Variants in KANK1 observed in about 807,000 individuals in gnomAD.
KANK1 encodes the protein KN motif and ankyrin repeat domain-containing protein 1.
KANK1 carries 109 observed loss-of-function variants against 106.2 expected under a neutral mutation model. The ratio of observed to expected loss-of-function variants is 1.03; its 90% CI spans 0.88 to 1.20. The LOEUF (loss-of-function observed/expected upper bound fraction) is 1.20. Among genes scored for constraint, KANK1 ranks in the 50% most tolerant of loss-of-function variants. KANK1 has a pLI of 0.00. For synonymous variants in KANK1, 873 were observed against 652.2 expected (o/e 1.34, Z -5.16); for missense variants, 2,399 against 1,710.7 (o/e 1.40, Z -7.10).
At chr9:497,972 G>A (rs1322459403) in intron 3 of KANK1, among the ~76,000 whole-genome samples, 1 of 152,066 alleles carries the variant, frequency 6.6e-6, no homozygotes, top group Admixed American at 6.6e-5. Flanking sequence ...CTCTCGCTGG[G>A]GTGTCTTCCT....
chr9:488,117 A>G (rs2058323815), intron 3 of KANK1, among the ~76,000 whole-genome samples: 1 of 152,210 alleles, frequency 6.6e-6, no homozygotes, highest in South Asian at 2.1e-4. Context: ...TACGAACTCC[A>G]CATGAACTCA....
rs185699562 is a variant in KANK1 at position 743,637 on chromosome 9, G to C, written c.3898-854G>C. Among the ~76,000 whole-genome samples, 753 of 152,274 alleles carry C rather than the reference G, an allele frequency of 4.9e-3. 6 individuals are homozygous for C. Among genetic ancestry groups the C allele is most frequent in the African/African-American group, 0.017 (727 of 41,564 alleles). ...TCCAGCACCTTGGGAGGCTGAGACAGGAGGATCGCTCGAGCCCAGGAGTTC... is the reference window on the plus strand; with the variant it reads ...TCCAGCACCTTGGGAGGCTGAGACACGAGGATCGCTCGAGCCCAGGAGTTC... On this transcript the variant is annotated intron_variant, in intron 10 of 11. Transcript: ENST00000382297.
Position 659,998 on chromosome 9 carries a change from C to G in KANK1, c.-83-16892C>G. Reference sequence around the variant, plus strand: ...GAAAAACAATCGTATGTCCACAGTCCAGAACCTCCACTCTTTCCACCCCTT... The same window carrying G: ...GAAAAACAATCGTATGTCCACAGTCGAGAACCTCCACTCTTTCCACCCCTT... On this transcript the variant is annotated intron_variant, in intron 1 of 11. Coordinates refer to ENST00000382297, the MANE Select transcript of KANK1 (RefSeq NM_015158.5). 1.1e-5 allele frequency: 3 copies of G among 282,432 alleles called. No individual in the cohort carries two copies. The South Asian group carries it at 1.2e-4, about 11-fold the overall frequency. 17.5% of individuals were successfully genotyped at this position (282,432 alleles called of 1,614,324 possible).
chr9:606,540 C>T (rs914427337), intron 1 of KANK1, among the ~76,000 whole-genome samples: 1 of 139,508 alleles, frequency 7.2e-6, no homozygotes, highest in East Asian at 1.9e-4. Flanking sequence ...TGGGCAACAA[C>T]AGCAAAACTC....
At position 639,638 on chromosome 9, in the gene KANK1, A is replaced by C. The variant is rs140137286; in HGVS notation, c.-83-37252A>C. Among the ~76,000 whole-genome samples, 422 of 152,212 alleles carry C rather than the reference A, an allele frequency of 2.8e-3. 8 individuals are homozygous for C. Among genetic ancestry groups the C allele is most frequent in the African/African-American group, 0.01 (420 of 41,526 alleles). Reference sequence around the variant, plus strand: ...GGCCTGATCTTAGATGATTTACCAAACAGTGCCACACCCTCTGCCTTCTGT... The same window carrying C: ...GGCCTGATCTTAGATGATTTACCAACCAGTGCCACACCCTCTGCCTTCTGT... On this transcript the variant is annotated intron_variant, in intron 1 of 11. Coordinates refer to ENST00000382297, the MANE Select transcript of KANK1 (RefSeq NM_015158.5).
chr9:675,905 T>A lies in KANK1; in HGVS notation c.-83-985T>A, dbSNP rs540445672. Among the ~76,000 whole-genome samples the A allele has an allele frequency of 1.3e-4, 20 of 152,304 alleles. No homozygotes were observed. In the East Asian group the frequency reaches 3.9e-3, roughly 29 times the overall value. The stretch of plus-strand genomic sequence containing the variant: ...TTGTGTTTTGCAGGAAAGGGGTGGG[T>A]AGTTCCTGGAAGTGAGGGGTCCTCC... On this transcript the variant is annotated intron_variant, in intron 1 of 11. Coordinates refer to ENST00000382297, the MANE Select transcript of KANK1 (RefSeq NM_015158.5).
chr9:555,246 G>A (rs931932098), intron 1 of KANK1, among the ~76,000 whole-genome samples: 3 of 152,284 alleles, frequency 2.0e-5, no homozygotes, highest in African/African-American at 7.2e-5. Flanking sequence ...ATGGCGATCT[G>A]AAGTCCTGAA....
chr9:703,137 A>G (rs919732478), intron 2 of KANK1, among the ~76,000 whole-genome samples: 2 of 152,032 alleles, frequency 1.3e-5, no homozygotes, highest in South Asian at 2.1e-4. Context: ...GTTTACAGGC[A>G]TGTGCCACCA....
At chr9:619,908 G>T (rs758692279) in intron 1 of KANK1, among the ~76,000 whole-genome samples, 3 of 152,018 alleles carry the variant, frequency 2.0e-5, no homozygotes, top group African/African-American at 7.3e-5. Context: ...AGTCTGAGGC[G>T]AGCAGATCAC....
At chr9:638,901 G>C (rs983705954) in intron 1 of KANK1, among the ~76,000 whole-genome samples, 8 of 152,200 alleles carry the variant, frequency 5.3e-5, no homozygotes, top group African/African-American at 1.9e-4. Flanking sequence ...GACAACTTAG[G>C]AGTAGTTCAT....
intron 2 of KANK1, among the ~76,000 whole-genome samples, chr9:683,779 T>C (rs1489221667): frequency 6.6e-6 from 1 of 152,246 alleles, no homozygotes; most frequent in Admixed American, 6.5e-5. Context: ...ATTTATTGCA[T>C]CATACAGCTT....
chr9:567,497 C>T (rs1818093467), intron 1 of KANK1, among the ~76,000 whole-genome samples: 1 of 152,214 alleles, frequency 6.6e-6, no homozygotes, highest in Admixed American at 6.5e-5. Flanking sequence ...TGACGAAGGA[C>T]AACTTGGAGG....
chr9:712,765 C>T lies in KANK1; in HGVS notation c.1999C>T (p.Arg667Cys), dbSNP rs753867766. ...GGAAGCTGCCGTCATGGCAGTGCCT[C>T]GTACTGCAGACCAGGACACTAGCAC... ...QVEAAVMAVP[R>C]TADQDTSTDL... Residue 667 changes from arginine (R) to cysteine (C), a missense_variant, in exon 3 of 12, where the codon CGT becomes TGT. Physicochemically the swap from Arg to Cys is radical, Grantham distance 180 (BLOSUM62 -3). Coordinates refer to ENST00000382297, the MANE Select transcript of KANK1 (RefSeq NM_015158.5). 3.1e-6 allele frequency: 5 copies of T among 1,613,672 alleles called. No individual in the cohort carries two copies. The highest frequency in any genetic ancestry group is 1.1e-5 in the South Asian group (1 of 91,008).
At chr9:709,347 G>C (rs544004067) in intron 2 of KANK1, among the ~76,000 whole-genome samples, 42 of 152,300 alleles carry the variant, frequency 2.8e-4, no homozygotes, top group South Asian at 1.2e-3. Flanking sequence ...AAGGCAAATT[G>C]TAAGCCCATG....
chr9:727,413 T>A (rs1187233144), intron 3 of KANK1, among the ~76,000 whole-genome samples: 1 of 151,594 alleles, frequency 6.6e-6, no homozygotes, highest in African/African-American at 2.4e-5. Context: ...CCTCCCGGGT[T>A]CAAGTGATTC....
chr9:633,521 T>C (rs969962060), intron 1 of KANK1, among the ~76,000 whole-genome samples: 3 of 152,172 alleles, frequency 2.0e-5, no homozygotes, highest in Admixed American at 6.5e-5. Context: ...CTTCCAACAG[T>C]GCTACCCCTT....
At chr9:579,062 G>A (rs1206601998) in intron 1 of KANK1, among the ~76,000 whole-genome samples, 1 of 152,162 alleles carries the variant, frequency 6.6e-6, no homozygotes, top group Non-Finnish European at 1.5e-5. Flanking sequence ...AGAGTATTCC[G>A]CATGCAAGCC....
At chr9:694,684 A>C (rs1426959124) in intron 2 of KANK1, among the ~76,000 whole-genome samples, 1 of 152,094 alleles carries the variant, frequency 6.6e-6, no homozygotes, top group Non-Finnish European at 1.5e-5. Context: ...CCGTTCCACT[A>C]CTGAGAATAG....
intron 1 of KANK1, among the ~76,000 whole-genome samples, chr9:548,168 A>C (rs1397387234): frequency 1.3e-5 from 2 of 152,236 alleles, no homozygotes; most frequent in African/African-American, 4.8e-5. Flanking sequence ...AATATGTATT[A>C]TGGATAAATA....
Sources: allele counts gnomAD v4.1 joint callset (sites outside exome capture counted in the v4.1 genomes callset), GRCh38; gene constraint gnomAD v4.1.1; transcripts MANE v1.5; gene names NCBI Gene and HGNC (gene_info 2026-07-23, HGNC 2026-07-21).